TRAPPC11: variants seen among roughly 807,000 people sequenced by gnomAD.
The protein encoded by TRAPPC11 is foie gras homolog.
A neutral mutation model predicts 151.2 loss-of-function variants in TRAPPC11; 104 were observed. That is an observed-to-expected ratio of 0.69 (90% CI 0.59 to 0.81). The LOEUF (loss-of-function observed/expected upper bound fraction) is 0.81, where lower values mean the gene tolerates loss of function less well. TRAPPC11 is among the 30% of genes least tolerant of loss of function. The probability of loss-of-function intolerance (pLI) is 0.00; values close to 1 mark genes in which losing one functional copy is unlikely to be tolerated. For missense variants in TRAPPC11, 1,230 were observed against 1,349.6 expected (o/e 0.91, Z 1.39); for synonymous variants, 456 against 472.3 (o/e 0.97, Z 0.45).
In TRAPPC11 at chr4:183,659,311, C is replaced by G; in HGVS notation, c.-158C>G. 1 of 243,608 alleles carries G rather than the reference C, an allele frequency of 4.1e-6. No individual in the cohort carries two copies. The highest frequency in any genetic ancestry group is 7.9e-6 in the Non-Finnish European group (1 of 127,068). 15.1% of individuals were successfully genotyped at this position (243,608 alleles called of 1,614,324 possible). ...GGGAGGTGGGTACAGGGAAGTCTCG[C>G]CTGTTGGAACTGGCTGTGGGGCTGC... is the stretch of plus-strand genomic sequence containing the variant. On this transcript the variant is annotated 5_prime_UTR_variant, in exon 1 of 30. Transcript: ENST00000334690.
chr4:183,712,799 A>C lies in TRAPPC11; in HGVS notation c.*155A>C, dbSNP rs1218574825. On this transcript the variant is annotated 3_prime_UTR_variant, in exon 30 of 30. Transcript: ENST00000334690. ...AACTATTCAGAGGAACTCATACTTC[A>C]AAAATATTAGGAAAATCTGTCTTAT... The C allele has an allele frequency of 1.7e-6, 1 of 582,848 alleles. No individual in the cohort carries two copies. Among genetic ancestry groups the C allele is most frequent in the Non-Finnish European group, 2.9e-6 (1 of 339,446 alleles). 36.1% of individuals were successfully genotyped at this position (582,848 alleles called of 1,614,324 possible). A position where few individuals can be genotyped will look rare whatever the true frequency, so the allele number is the denominator to read the frequency against.
chr4:183,679,388 G>A lies in TRAPPC11; in HGVS notation c.867G>A (p.Leu289=). The change falls in exon 9 of 30, where the codon TTG becomes TTA. Residue 289 remains leucine, a synonymous_variant. Coordinates refer to ENST00000334690, the MANE Select transcript of TRAPPC11 (RefSeq NM_021942.6). ...TGTGTTTTCAACACAACACCCCATTGGATGCAATTGCTCAGTTCCGAAAAC... is the reference window on the plus strand; with the variant it reads ...TGTGTTTTCAACACAACACCCCATTAGATGCAATTGCTCAGTTCCGAAAAC... ...CRLCFQHNTP[L]DAIAQFRKHI... is the part of the protein sequence containing the mutation. 1 of 1,612,046 alleles carries A rather than the reference G, an allele frequency of 6.2e-7. No individual in the cohort carries two copies. Among genetic ancestry groups the A allele is most frequent in the Non-Finnish European group, 8.5e-7 (1 of 1,179,146 alleles).
chr4:183,663,726 AAT>A lies in TRAPPC11; in HGVS notation c.-21-118_-21-117del. On this transcript the variant is annotated intron_variant, in intron 1 of 29. Transcript: ENST00000334690. ...AATAGAGATTCATATATTGGAAATG[AAT>A]ATGAGTTGTTTTTTTTTTTTTTTTT... 3 of 626,450 alleles carry A rather than the reference AAT, an allele frequency of 4.8e-6. No individual in the cohort carries two copies. In the South Asian group the frequency reaches 6.2e-5, roughly 13 times the overall value. 38.8% of individuals were successfully genotyped at this position (626,450 alleles called of 1,614,324 possible).
In TRAPPC11 at chr4:183,694,645, C is replaced by T. The variant is rs771382348; in HGVS notation, c.2550C>T (p.Ser850=). ...MLYVRCGTVG[S]RMFLVYVSYL... ...ATGTTCGCTGTGGAACAGTGGGTTC[C>T]AGAATGTTTCTTGTATATGTTTCTT... is the stretch of plus-strand genomic sequence containing the variant. The change falls in exon 23 of 30, where the codon TCC becomes TCT. Residue 850 remains serine, a synonymous_variant. Transcript: ENST00000334690. 6.2e-7 allele frequency: 1 copy of T among 1,612,522 alleles called. No homozygotes were observed.
intron 1 of TRAPPC11, among the ~76,000 whole-genome samples, 179 bp from the exon 2 acceptor site, chr4:183,663,668 C>CTTGTAATGATTATTTTT (rs1734679705): frequency 6.7e-6 from 1 of 150,200 alleles, no homozygotes; most frequent in Non-Finnish European, 1.5e-5. Flanking sequence ...CATGCCTGGC[C>CTTGTAATGATTATTTTT]TTGTAATGAT....
At position 183,705,860 on chromosome 4, in the gene TRAPPC11, T is replaced by C. The variant is rs1737029035; in HGVS notation, c.3055+790T>C. On this transcript the variant is annotated intron_variant, in intron 27 of 29. Coordinates refer to ENST00000334690, the MANE Select transcript of TRAPPC11 (RefSeq NM_021942.6). ...TCATTCTTTCTTTACTGAAATACTT[T>C]ATCAAGAGAAACTTCCCTTTATCAA... The C allele has an allele frequency of 2.6e-5, 4 of 152,202 alleles. No homozygotes were observed. The South Asian group carries it at 8.3e-4, about 32-fold the overall frequency. 9.4% of individuals were successfully genotyped at this position (152,202 alleles called of 1,614,324 possible).
intron 1 of TRAPPC11, among the ~76,000 whole-genome samples, chr4:183,660,680 A>G (rs1734436293): frequency 6.6e-6 from 1 of 152,182 alleles, no homozygotes; most frequent in Admixed American, 6.5e-5. Context: ...GTTCATATTA[A>G]GCAAAGGGGC....
At chr4:183,661,440 C>T (rs1030634493) in intron 1 of TRAPPC11, among the ~76,000 whole-genome samples, 3 of 135,534 alleles carry the variant, frequency 2.2e-5, no homozygotes, top group Non-Finnish European at 4.6e-5. Flanking sequence ...GGCGCGATCT[C>T]CGCTCACTGC....
rs752037962 is a variant in TRAPPC11, at chr4:183,712,595, T to C, written c.3358-5T>C. ...TAAACCCACTTTGTTTTTCCCACTT[T>C]AAAGCCACAGGGTCGACTCATGGAT... On this transcript the variant is annotated splice_polypyrimidine_tract_variant and splice_region_variant and intron_variant, in intron 29 of 29. Transcript: ENST00000334690. 2 of 1,614,076 alleles carry C rather than the reference T, an allele frequency of 1.2e-6. No homozygotes were observed. The highest frequency in any genetic ancestry group is 2.2e-5 in the South Asian group (2 of 91,014).
At chr4:183,689,791 CT>C (rs11430506) in intron 18 of TRAPPC11, among the ~76,000 whole-genome samples, 14 of 148,352 alleles carry the variant, frequency 9.4e-5, no homozygotes, top group African/African-American at 2.7e-4. Flanking sequence ...CTTTTCTTTC[CT>C]TTTTTTTTTC....
chr4:183,681,405 ACAC>A (rs1735682738), intron 10 of TRAPPC11, among the ~76,000 whole-genome samples: 2 of 151,866 alleles, frequency 1.3e-5, no homozygotes, highest in Admixed American at 1.3e-4. Flanking sequence ...GTAATTTTGA[ACAC>A]AGTATTTTAA....
intron 1 of TRAPPC11, among the ~76,000 whole-genome samples, chr4:183,661,465 G>A (rs909843929): frequency 1.2e-4 from 17 of 138,516 alleles, no homozygotes; most frequent in Non-Finnish European, 2.1e-4. Flanking sequence ...TCCGCCTCCC[G>A]GGTTCACGCC....
intron 27 of TRAPPC11, 97 bp from the exon 28 acceptor site, chr4:183,706,710 G>A: frequency 2.3e-6 from 3 of 1,328,276 alleles, no homozygotes; most frequent in Non-Finnish European, 3.1e-6. Context: ...TAATTTAAAT[G>A]ATACTATGTC....
chr4:183,702,154 G>A (rs1736832574), intron 26 of TRAPPC11, among the ~76,000 whole-genome samples: 1 of 152,016 alleles, frequency 6.6e-6, no homozygotes, highest in Non-Finnish European at 1.5e-5. Flanking sequence ...GACCAGCCTG[G>A]GCAACATGGT....
chr4:183,674,782 TA>T lies in TRAPPC11; in HGVS notation c.633del (p.Glu212AsnfsTer3). 1 of 1,595,128 alleles carries T rather than the reference TA, an allele frequency of 6.3e-7. No individual in the cohort carries two copies. Among genetic ancestry groups the T allele is most frequent in the African/African-American group, 1.4e-5 (1 of 73,816 alleles). On this transcript the variant is annotated frameshift_variant, in exon 6 of 30. Transcript: ENST00000334690. LOFTEE classifies it high-confidence loss of function. The part of the protein sequence containing the change: ...YTEIRRVKSH[K>X]EFLNKTTHQL... ...CTGAGATCAGAAGAGTGAAATCTCATAAAGAATTTTTGAATAAAACAACACA... is the reference window on the plus strand; with the variant it reads ...CTGAGATCAGAAGAGTGAAATCTCATAAGAATTTTTGAATAAAACAACACA...
In TRAPPC11 at chr4:183,680,184, C is replaced by T; in HGVS notation, c.1030C>T (p.Gln344Ter). 6.2e-7 allele frequency: 1 copy of T among 1,614,012 alleles called. No individual in the cohort carries two copies. Among genetic ancestry groups the T allele is most frequent in the Non-Finnish European group, 8.5e-7 (1 of 1,179,984 alleles). ...IKLGLTAIQT[Q>*]NPGFYYQQAA... Reference sequence around the variant, plus strand: ...GTTAGGGTTAACAGCTATTCAAACTCAGAATCCTGGTTTCTATTACCAGCA... The same window carrying T: ...GTTAGGGTTAACAGCTATTCAAACTTAGAATCCTGGTTTCTATTACCAGCA... Residue 344 changes from glutamine to a stop codon, truncating the protein, a stop_gained, in exon 10 of 30, where the codon CAG becomes TAG. Coordinates refer to ENST00000334690, the MANE Select transcript of TRAPPC11 (RefSeq NM_021942.6). LOFTEE classifies it high-confidence loss of function.
At chr4:183,666,796 A>G (rs1734906756) in intron 3 of TRAPPC11, 1 of 443,184 alleles carries the variant, frequency 2.3e-6, no homozygotes, top group Non-Finnish European at 4.0e-6. Context: ...AGTAAGTTGC[A>G]TTATAACTTT....
rs1561053787 is a variant in TRAPPC11 at position 183,693,984 on chromosome 4, C to G, written c.2454C>G (p.Ser818=). The G allele has an allele frequency of 6.2e-7, 1 of 1,614,050 alleles. No individual in the cohort carries two copies. ...TLHGTELCDE[S]YPALLTDIPV... Reference sequence around the variant, plus strand: ...ATGGAACAGAACTGTGTGATGAATCCTACCCGGCTTTACTCACTGACATTC... The same window carrying G: ...ATGGAACAGAACTGTGTGATGAATCGTACCCGGCTTTACTCACTGACATTC... The change falls in exon 22 of 30, where the codon TCC becomes TCG. Residue 818 remains serine, a synonymous_variant. Transcript: ENST00000334690.
intron 9 of TRAPPC11, 31 bp from the exon 10 acceptor site, chr4:183,680,089 C>T (rs947002933): frequency 7.6e-6 from 12 of 1,576,024 alleles, no homozygotes; most frequent in Middle Eastern, 3.4e-4. Flanking sequence ...CTTTTCATTC[C>T]TCTTTATTTC....
Sources: gnomAD v4.1 joint callset for allele counts (sites outside exome capture counted in the v4.1 genomes callset) on GRCh38, gnomAD v4.1.1 for gene constraint, MANE v1.5 for transcripts, NCBI Gene and HGNC (gene_info 2026-07-23, HGNC 2026-07-21) for gene names.